The following ENTREP2 variants were observed in gnomAD, a reference collection of about 807,000 sequenced individuals.
The protein encoded by ENTREP2 is protein ENTREP2.
chr15:29,130,272 T>C, the ENTREP2 span, among the ~76,000 whole-genome samples: 3 of 152,166 alleles, frequency 2.0e-5, no homozygotes, highest in Non-Finnish European at 2.9e-5. Flanking sequence ...TCCTTAGCCC[T>C]CTCATTCTGC....
At chr15:29,422,132 T>C in the ENTREP2 span, among the ~76,000 whole-genome samples, 7 of 152,114 alleles carry the variant, frequency 4.6e-5, no homozygotes, top group South Asian at 1.0e-3. Flanking sequence ...TAGCCATGCA[T>C]GGTGGTGGGC....
the ENTREP2 span, chr15:29,124,800 A>G: frequency 4.0e-6 from 6 of 1,518,148 alleles, no homozygotes; most frequent in East Asian, 2.5e-5. Flanking sequence ...CATGAAAGGA[A>G]AAAGGAATTC....
At chr15:29,306,323 C>T in the ENTREP2 span, among the ~76,000 whole-genome samples, 1 of 152,132 alleles carries the variant, frequency 6.6e-6, no homozygotes, top group Admixed American at 6.5e-5. Context: ...ATTGAGCATG[C>T]TGCATTTCCT....
the ENTREP2 span, among the ~76,000 whole-genome samples, chr15:29,302,263 T>C: frequency 2.0e-5 from 3 of 152,146 alleles, no homozygotes; most frequent in Non-Finnish European, 4.4e-5. Context: ...CATACCAAGA[T>C]TTTAAAAAAA....
chr15:29,513,151 G>T, the ENTREP2 span, among the ~76,000 whole-genome samples: 1 of 152,070 alleles, frequency 6.6e-6, no homozygotes, highest in African/African-American at 2.4e-5. Context: ...TCACTGCCTT[G>T]TTTTACATAT....
At chr15:29,511,300 T>C in the ENTREP2 span, among the ~76,000 whole-genome samples, 1 of 152,164 alleles carries the variant, frequency 6.6e-6, no homozygotes, top group South Asian at 2.1e-4. Flanking sequence ...CCTCCTTATA[T>C]CCAGAGTGTC....
chr15:29,222,826 C>T, the ENTREP2 span, among the ~76,000 whole-genome samples: 2 of 152,190 alleles, frequency 1.3e-5, no homozygotes, highest in Non-Finnish European at 2.9e-5. Flanking sequence ...GGTATTTGTC[C>T]TTTCCTAGAA....
chr15:29,598,113 C>A, the ENTREP2 span, among the ~76,000 whole-genome samples: 1 of 113,444 alleles, frequency 8.8e-6, no homozygotes, highest in South Asian at 2.7e-4. Flanking sequence ...CAGAGTGAGA[C>A]CCCTGTCTCA....
At chr15:29,375,670 C>T in the ENTREP2 span, 1 of 152,180 alleles carries the variant, frequency 6.6e-6, no homozygotes, top group Non-Finnish European at 1.5e-5. Context: ...CTGGAGGCCA[C>T]AAATTACAGT....
the ENTREP2 span, among the ~76,000 whole-genome samples, chr15:29,141,509 C>A: frequency 6.6e-6 from 1 of 152,172 alleles, no homozygotes; most frequent in South Asian, 2.1e-4. Context: ...CGGGGATTTG[C>A]AGAAACACCG....
At chr15:29,486,532 G>T in the ENTREP2 span, among the ~76,000 whole-genome samples, 1 of 152,046 alleles carries the variant, frequency 6.6e-6, no homozygotes, top group African/African-American at 2.4e-5. Context: ...CTCCACTAAA[G>T]ACATAAAAAT....
At chr15:29,508,561 G>A in the ENTREP2 span, among the ~76,000 whole-genome samples, 6 of 152,224 alleles carry the variant, frequency 3.9e-5, no homozygotes, top group South Asian at 2.1e-4. Context: ...CAATCAAGTC[G>A]GCTTCATCCC....
chr15:29,119,695 A>T, the ENTREP2 span, among the ~76,000 whole-genome samples: 27 of 138,144 alleles, frequency 2.0e-4, 2 homozygotes, highest in African/African-American at 7.5e-4. Context: ...AAAAAAAAAA[A>T]GAATGAAAAG....
chr15:29,546,875 AG>A, the ENTREP2 span, among the ~76,000 whole-genome samples: 1 of 134,176 alleles, frequency 7.5e-6, no homozygotes, highest in Non-Finnish European at 1.5e-5. Context: ...TGACAGAGCG[AG>A]ACTCCATCTC....
the ENTREP2 span, among the ~76,000 whole-genome samples, chr15:29,272,329 C>T: frequency 6.6e-6 from 1 of 152,168 alleles, no homozygotes; most frequent in Admixed American, 6.5e-5. Context: ...ATATAACCGA[C>T]AACAGCCAAT....
chr15:29,657,257 C>T, the ENTREP2 span, among the ~76,000 whole-genome samples: 15 of 151,464 alleles, frequency 9.9e-5, no homozygotes, highest in Admixed American at 2.0e-4. Flanking sequence ...TACAGGGTTT[C>T]ACCGTATTAG....
chr15:29,454,376 G>C, the ENTREP2 span, among the ~76,000 whole-genome samples: 1 of 152,170 alleles, frequency 6.6e-6, no homozygotes, highest in African/African-American at 2.4e-5. Context: ...CAATTCTGTT[G>C]ATGCTGTTTG....
chr15:29,410,942 C>T, the ENTREP2 span, among the ~76,000 whole-genome samples: 1 of 152,086 alleles, frequency 6.6e-6, no homozygotes, highest in African/African-American at 2.4e-5. Flanking sequence ...TGCGCCACCG[C>T]GCCCAGCTAA....
chr15:29,671,538 A>T, the ENTREP2 span, among the ~76,000 whole-genome samples: 1 of 152,196 alleles, frequency 6.6e-6, no homozygotes, highest in Non-Finnish European at 1.5e-5. Flanking sequence ...GGTACTGAGA[A>T]CTGGCTGGTG....
Sources: allele counts gnomAD v4.1 joint callset (sites outside exome capture counted in the v4.1 genomes callset), GRCh38; gene constraint gnomAD v4.1.1; transcripts MANE v1.5; gene names NCBI Gene and HGNC (gene_info 2026-07-23, HGNC 2026-07-21).